Variants in PLEKHB1 observed in about 807,000 individuals in gnomAD.
PLEKHB1 encodes pleckstrin homology domain containing B1, also known as pleckstrin homology domain-containing family B member 1.
PLEKHB1 carries 29 observed loss-of-function variants against 36.2 expected under a neutral mutation model. The ratio of observed to expected loss-of-function variants is 0.80; its 90% CI spans 0.60 to 1.09. PLEKHB1 has a LOEUF of 1.09. Among genes scored for constraint, PLEKHB1 ranks in the 50% least tolerant of loss-of-function variants. The probability of loss-of-function intolerance (pLI) is 0.00; values close to 1 mark genes in which losing one functional copy is unlikely to be tolerated. For synonymous variants in PLEKHB1, 138 were observed against 140.0 expected, an observed-to-expected ratio of 0.99 and a Z score of 0.10; for missense variants, 330 against 348.2, an observed-to-expected ratio of 0.95 and a Z score of 0.42.
chr11:73,657,632 T>C (rs1174380881), intron 6 of PLEKHB1, among the ~76,000 whole-genome samples: 1 of 152,106 alleles, frequency 6.6e-6, no homozygotes, highest in Non-Finnish European at 1.5e-5. Context: ...ACAGGTGCCC[T>C]CGAGGGATAT....
At chr11:73,650,494 C>T in intron 2 of PLEKHB1, 59 bp from the exon 3 acceptor site, 1 of 1,521,612 alleles carries the variant, frequency 6.6e-7, no homozygotes, top group South Asian at 1.3e-5. Context: ...CTGTCTGGGG[C>T]TTCTATTCCC....
At chr11:73,660,645 G>T in intron 6 of PLEKHB1, 108 bp from the exon 7 acceptor site, 1 of 1,039,706 alleles carries the variant, frequency 9.6e-7, no homozygotes, top group Non-Finnish European at 1.4e-6. Context: ...TTCTAAACTT[G>T]GGGAGGTGGC....
At chr11:73,647,928 C>A in intron 1 of PLEKHB1, 4 of 985,480 alleles carry the variant, frequency 4.1e-6, no homozygotes, top group Non-Finnish European at 4.8e-6. Flanking sequence ...CGGAGGCACC[C>A]GCTGGCAAGT....
At chr11:73,649,687 G>C (rs1402075485) in intron 2 of PLEKHB1, among the ~76,000 whole-genome samples, 1 of 152,178 alleles carries the variant, frequency 6.6e-6, no homozygotes, top group African/African-American at 2.4e-5. Flanking sequence ...CGGGCTTCTA[G>C]ACCCACCTCT....
intron 6 of PLEKHB1, among the ~76,000 whole-genome samples, chr11:73,656,254 G>C (rs764227458): frequency 6.6e-6 from 1 of 152,146 alleles, no homozygotes; most frequent in Non-Finnish European, 1.5e-5. Context: ...TCAGCCTAGC[G>C]GCACCAAGGC....
rs1171663703 is a variant in PLEKHB1 at position 73,661,276 on chromosome 11, G to A, written c.596-190G>A. On this transcript the variant is annotated intron_variant, in intron 7 of 7. Coordinates refer to ENST00000354190, the MANE Select transcript of PLEKHB1 (RefSeq NM_021200.3). The surrounding 1 kb of genome is among the most constrained non-coding windows in gnomAD (Gnocchi z 4.6). ...CGGACCCGTAGGTTCCGGGACATCC[G>A]TAGCCGATCCAAGGCCTGGGAGCCG... Among the ~76,000 whole-genome samples, 9 of 152,212 alleles carry A rather than the reference G, an allele frequency of 5.9e-5. No individual in the cohort carries two copies. The highest frequency in any genetic ancestry group is 1.2e-4 in the Non-Finnish European group (8 of 68,038).
Position 73,648,995 on chromosome 11 carries a change from C to G in PLEKHB1, c.19-17C>G. Reference sequence around the variant, plus strand: ...AGCTGCTGCTGAGGCCTGTGTCTCCCGTGGCTCCTCTGACAGGTCCCGCCT... The same window carrying G: ...AGCTGCTGCTGAGGCCTGTGTCTCCGGTGGCTCCTCTGACAGGTCCCGCCT... On this transcript the variant is annotated splice_polypyrimidine_tract_variant and intron_variant, in intron 1 of 7. Coordinates refer to ENST00000354190, the MANE Select transcript of PLEKHB1 (RefSeq NM_021200.3). The G allele has an allele frequency of 1.3e-6, 2 of 1,579,452 alleles. No individual in the cohort carries two copies. Among genetic ancestry groups the G allele is most frequent in the Non-Finnish European group, 1.7e-6 (2 of 1,162,564 alleles).
At chr11:73,649,111 C>A (rs762333274) in intron 2 of PLEKHB1, 24 bp downstream of exon 2, 60 of 1,577,774 alleles carry the variant, frequency 3.8e-5, no homozygotes, top group Non-Finnish European at 5.2e-5. Context: ...GGCCCCTGGT[C>A]CTGGGGCAGG....
chr11:73,649,624 C>T (rs757053595), intron 2 of PLEKHB1, among the ~76,000 whole-genome samples: 1 of 152,220 alleles, frequency 6.6e-6, no homozygotes, highest in Admixed American at 6.5e-5. Flanking sequence ...TCTCTTATGT[C>T]TTTGCCCTTC....
intron 6 of PLEKHB1, chr11:73,660,549 T>C (rs939865516): frequency 6.9e-6 from 4 of 581,318 alleles, no homozygotes; most frequent in Non-Finnish European, 1.2e-5. Context: ...GGGAGCTGGA[T>C]GTAGGGCAGA....
At chr11:73,649,836 G>A (rs1364324075) in intron 2 of PLEKHB1, among the ~76,000 whole-genome samples, 3 of 152,180 alleles carry the variant, frequency 2.0e-5, no homozygotes, top group Non-Finnish European at 2.9e-5. Flanking sequence ...CAGGACCTGC[G>A]TGGGGAGCCA....
At position 73,661,950 on chromosome 11, in the gene PLEKHB1, G is replaced by A. The variant is rs1945134420; in HGVS notation, c.*348G>A. The A allele has an allele frequency of 4.2e-6, 1 of 238,168 alleles. No homozygotes were observed. Among genetic ancestry groups the A allele is most frequent in the South Asian group, 9.9e-5 (1 of 10,128 alleles). The allele number at this position is 238,168 out of a possible 1,614,324, so 14.8% of individuals were successfully genotyped here. ...AGGCGCTGTAGACACAACATGAATCGGGCTCTCTGCTCTCTCCTTAGGGAG... is the reference window on the plus strand; with the variant it reads ...AGGCGCTGTAGACACAACATGAATCAGGCTCTCTGCTCTCTCCTTAGGGAG... On this transcript the variant is annotated 3_prime_UTR_variant, in exon 8 of 8. Coordinates refer to ENST00000354190, the MANE Select transcript of PLEKHB1 (RefSeq NM_021200.3). The surrounding 1 kb of genome is among the most constrained non-coding windows in gnomAD (Gnocchi z 4.6).
chr11:73,655,246 C>T (rs576907490), intron 5 of PLEKHB1, among the ~76,000 whole-genome samples: 6 of 152,180 alleles, frequency 3.9e-5, no homozygotes, highest in Non-Finnish European at 5.9e-5. Flanking sequence ...CTTCTGTGCC[C>T]GGGCTTACTA....
intron 3 of PLEKHB1, among the ~76,000 whole-genome samples, chr11:73,651,050 C>T (rs1292286878): frequency 1.3e-5 from 2 of 150,248 alleles, no homozygotes; most frequent in Admixed American, 6.6e-5. Context: ...CTGGGGAGGC[C>T]GAGGCAGGAG....
intron 6 of PLEKHB1, among the ~76,000 whole-genome samples, chr11:73,658,205 T>C (rs1212104760): frequency 6.6e-6 from 1 of 152,190 alleles, no homozygotes; most frequent in Non-Finnish European, 1.5e-5. Context: ...AGAGTGATGC[T>C]TGAGTTGAGT....
chr11:73,661,564 GC>G lies in PLEKHB1; in HGVS notation c.695del (p.Ala232GlyfsTer20). 6.2e-7 allele frequency: 1 copy of G among 1,607,424 alleles called. No homozygotes were observed. The highest frequency in any genetic ancestry group is 8.5e-7 in the Non-Finnish European group (1 of 1,176,648). ...GMLAGAATGA[A>X]LGSLMWSPCW... Reference sequence around the variant, plus strand: ...GCTTGCGGGAGCCGCCACTGGGGCGGCGCTGGGCTCGCTCATGTGGTCGCCC... The same window carrying G: ...GCTTGCGGGAGCCGCCACTGGGGCGGGCTGGGCTCGCTCATGTGGTCGCCC... On this transcript the variant is annotated frameshift_variant, in exon 8 of 8. Transcript: ENST00000354190. LOFTEE classifies it high-confidence loss of function. This position sits in a 1 kb window ranked among gnomAD's most constrained non-coding sequence, Gnocchi z 4.6.
Position 73,648,993 on chromosome 11 carries a change from C to G in PLEKHB1, c.19-19C>G. 2 of 1,578,048 alleles carry G rather than the reference C, an allele frequency of 1.3e-6. No homozygotes were observed. The highest frequency in any genetic ancestry group is 4.7e-5 in the East Asian group (2 of 42,934). On this transcript the variant is annotated intron_variant, in intron 1 of 7. Coordinates refer to ENST00000354190, the MANE Select transcript of PLEKHB1 (RefSeq NM_021200.3). ...GGAGCTGCTGCTGAGGCCTGTGTCT[C>G]CCGTGGCTCCTCTGACAGGTCCCGC...
chr11:73,655,795 T>A lies in PLEKHB1; in HGVS notation c.391-8T>A. 1 of 1,613,152 alleles carries A rather than the reference T, an allele frequency of 6.2e-7. No individual in the cohort carries two copies. The highest frequency in any genetic ancestry group is 8.5e-7 in the Non-Finnish European group (1 of 1,179,716). On this transcript the variant is annotated splice_region_variant and splice_polypyrimidine_tract_variant and intron_variant, in intron 5 of 7. Coordinates refer to ENST00000354190, the MANE Select transcript of PLEKHB1 (RefSeq NM_021200.3). ...CTCCTCCTTCTTGGGTTTCTGTGGC[T>A]TGAGCAGGCCCCAGCTGGAGCCACC... is the stretch of plus-strand genomic sequence containing the variant.
Position 73,661,604 on chromosome 11 carries a change from C to T in PLEKHB1, c.*2C>T. 2 of 1,576,662 alleles carry T rather than the reference C, an allele frequency of 1.3e-6. No individual in the cohort carries two copies. The highest frequency in any genetic ancestry group is 8.6e-7 in the Non-Finnish European group (1 of 1,162,810). On this transcript the variant is annotated 3_prime_UTR_variant, in exon 8 of 8. Transcript: ENST00000354190. The surrounding 1 kb of genome is among the most constrained non-coding windows in gnomAD (Gnocchi z 4.6). ...ATGTGGTCGCCCTGCTGGTTCTGAG[C>T]CCTGGGACTCGGAGCACTGACCCCT...
Sources: gnomAD v4.1 joint callset for allele counts (sites outside exome capture counted in the v4.1 genomes callset) on GRCh38, gnomAD v4.1.1 for gene constraint, Gnocchi (gnomAD v3.1) non-coding constraint, MANE v1.5 for transcripts, NCBI Gene and HGNC (gene_info 2026-07-23, HGNC 2026-07-21) for gene names.